Variants in DISC1 observed in about 807,000 individuals in gnomAD.
DISC1 encodes DISC1 scaffold protein, also known as disrupted in schizophrenia 1 protein.
DISC1 carries 57 observed loss-of-function variants against 84.5 expected under a neutral mutation model. The observed-to-expected ratio is 0.67, with a 90% CI of 0.55 to 0.84. The LOEUF is 0.84. Among genes scored for constraint, DISC1 ranks in the 40% least tolerant of loss-of-function variants. DISC1 has a pLI of 0.00. For synonymous variants in DISC1, 411 were observed against 415.2 expected (o/e 0.99, Z 0.12); for missense variants, 1,000 against 1,057.8 (o/e 0.95, Z 0.76).
At position 232,040,425 on chromosome 1, in the gene DISC1, C is replaced by G. The variant is rs1670737756; in HGVS notation, c.*3594C>G. The G allele has an allele frequency of 6.6e-6, 1 of 152,160 alleles. No individual in the cohort carries two copies. The highest frequency in any genetic ancestry group is 2.4e-5 in the African/African-American group (1 of 41,424). 9.4% of individuals were successfully genotyped at this position (152,160 alleles called of 1,614,324 possible). ...TGTAACGGTTGGTACCATGCTAAGC[C>G]CTTGCCATGCTAAGCCCTTTACAGT... On this transcript the variant is annotated 3_prime_UTR_variant, in exon 13 of 13. Coordinates refer to ENST00000439617, the MANE Select transcript of DISC1 (RefSeq NM_018662.3).
intron 3 of DISC1, among the ~76,000 whole-genome samples, chr1:231,735,404 C>T (rs1315382046): frequency 6.6e-6 from 1 of 152,140 alleles, no homozygotes; most frequent in Non-Finnish European, 1.5e-5. Flanking sequence ...CTACTGAATA[C>T]TTCCTATGGG....
At chr1:231,715,875 T>C (rs900586203) in intron 3 of DISC1, among the ~76,000 whole-genome samples, 1 of 152,156 alleles carries the variant, frequency 6.6e-6, no homozygotes, top group African/African-American at 2.4e-5. Context: ...TCTCTGTACC[T>C]CTGGATGAGG....
At chr1:231,789,348 G>A (rs1252766858) in intron 6 of DISC1, among the ~76,000 whole-genome samples, 2 of 152,210 alleles carry the variant, frequency 1.3e-5, no homozygotes, top group East Asian at 1.9e-4. Flanking sequence ...GGGAGCTGTA[G>A]GAGAGGAGGT....
At chr1:231,915,125 T>A (rs1355625624) in intron 9 of DISC1, among the ~76,000 whole-genome samples, 3 of 152,232 alleles carry the variant, frequency 2.0e-5, no homozygotes, top group Non-Finnish European at 4.4e-5. Context: ...TTGTTAGCAT[T>A]GGGTTACTTT....
intron 3 of DISC1, among the ~76,000 whole-genome samples, chr1:231,707,700 A>T (rs1374826436): frequency 6.8e-6 from 1 of 146,090 alleles, no homozygotes; most frequent in Non-Finnish European, 1.5e-5. Flanking sequence ...AATGCATTTT[A>T]TGTTTCCTCT....
chr1:231,724,955 G>A (rs2070410695), intron 3 of DISC1, among the ~76,000 whole-genome samples: 1 of 152,160 alleles, frequency 6.6e-6, no homozygotes, highest in African/African-American at 2.4e-5. Flanking sequence ...ACATCCATTA[G>A]TGCTCTTTGT....
chr1:231,986,193 A>G (rs1213137323), intron 10 of DISC1, among the ~76,000 whole-genome samples: 13 of 152,186 alleles, frequency 8.5e-5, no homozygotes, highest in Admixed American at 8.5e-4. Context: ...CTCATCCAGC[A>G]TCTTCTAATT....
At chr1:231,750,340 A>G in intron 4 of DISC1, 1 of 1,262,512 alleles carries the variant, frequency 7.9e-7, no homozygotes, top group Middle Eastern at 3.1e-4. Flanking sequence ...GGTCTGAAGC[A>G]TCTCTTGGGA....
chr1:231,878,481 G>A (rs1244023374), intron 9 of DISC1, among the ~76,000 whole-genome samples: 1 of 152,182 alleles, frequency 6.6e-6, no homozygotes, highest in Non-Finnish European at 1.5e-5. Context: ...AAAGACCAGT[G>A]AGGTCAGCAG....
At position 231,879,003 on chromosome 1, in the gene DISC1, G is replaced by A. The variant is rs747237057; in HGVS notation, c.1981+60486G>A. ...TTTAATTATCAGTTTTGCTGTTGTG[G>A]ACATTTGGGTAGTGTCTGGCTGTTT... is the stretch of plus-strand genomic sequence containing the variant. On this transcript the variant is annotated intron_variant, in intron 9 of 12. Coordinates refer to ENST00000439617, the MANE Select transcript of DISC1 (RefSeq NM_018662.3). Among the ~76,000 whole-genome samples, 129 of 152,204 alleles carry A rather than the reference G, an allele frequency of 8.5e-4. 1 individual carries two copies. Among genetic ancestry groups the A allele is most frequent in the Admixed American group, 3.4e-3 (52 of 15,290 alleles).
chr1:231,663,160 G>A lies in DISC1; in HGVS notation c.68-30666G>A, dbSNP rs544331048. The stretch of plus-strand genomic sequence containing the variant: ...AGATGTAAATAGTAACAAAAAGAGA[G>A]CTTTGGTGTCTACACTAATATCATA... On this transcript the variant is annotated intron_variant, in intron 1 of 12. Transcript: ENST00000439617. 1.6e-4 allele frequency among the ~76,000 whole-genome samples: 24 copies of A among 152,228 alleles called. No individual in the cohort carries two copies. The South Asian group carries it at 4.8e-3, about 30-fold the overall frequency.
intron 9 of DISC1, among the ~76,000 whole-genome samples, chr1:231,843,028 G>C (rs2083187137): frequency 6.6e-6 from 1 of 151,916 alleles, no homozygotes; most frequent in South Asian, 2.1e-4. Context: ...GTACCATCCT[G>C]GTCCTCTAGA....
chr1:231,966,504 C>A (rs868052701), intron 10 of DISC1, among the ~76,000 whole-genome samples: 1 of 152,210 alleles, frequency 6.6e-6, no homozygotes, highest in East Asian at 1.9e-4. Flanking sequence ...ATATCTCTAA[C>A]CATTGTACAG....
chr1:231,695,762 AC>A (rs2065608823), intron 2 of DISC1, among the ~76,000 whole-genome samples: 1 of 152,010 alleles, frequency 6.6e-6, no homozygotes, highest in African/African-American at 2.4e-5. Flanking sequence ...GAAGTGGAGC[AC>A]CCACTCATCA....
At chr1:231,729,747 C>T (rs1573321678) in intron 3 of DISC1, among the ~76,000 whole-genome samples, 2 of 143,076 alleles carry the variant, frequency 1.4e-5, no homozygotes, top group African/African-American at 2.6e-5. Flanking sequence ...TATCTTGATA[C>T]CTTTACATCA....
At chr1:231,761,613 A>G (rs1390167343) in intron 4 of DISC1, among the ~76,000 whole-genome samples, 1 of 152,238 alleles carries the variant, frequency 6.6e-6, no homozygotes, top group Non-Finnish European at 1.5e-5. Flanking sequence ...ACCCACCTGT[A>G]GCTACTCTGT....
At chr1:231,834,091 A>G (rs2082441217) in intron 9 of DISC1, among the ~76,000 whole-genome samples, 2 of 152,150 alleles carry the variant, frequency 1.3e-5, no homozygotes, top group Non-Finnish European at 1.5e-5. Flanking sequence ...GGATAAAGAA[A>G]AAGGAGCATT....
chr1:231,785,095 G>A (rs1240829779), intron 6 of DISC1, among the ~76,000 whole-genome samples: 1 of 151,946 alleles, frequency 6.6e-6, no homozygotes, highest in Non-Finnish European at 1.5e-5. Context: ...AAAGAAAAAG[G>A]CCAAGTAGAT....
At position 231,958,704 on chromosome 1, in the gene DISC1, CAT is replaced by C. The variant is rs149567768; in HGVS notation, c.1982-122_1982-121del. The C allele has an allele frequency of 2.0e-3, 1,942 of 994,582 alleles. 32 individuals are homozygous for C. In the African/African-American group the frequency reaches 0.029, roughly 15 times the overall value. 61.6% of individuals were successfully genotyped at this position (994,582 alleles called of 1,614,324 possible). A position where few individuals can be genotyped will look rare whatever the true frequency, so the allele number is the denominator to read the frequency against. On this transcript the variant is annotated intron_variant, in intron 9 of 12. Transcript: ENST00000439617. ...CCAGTGGATTTGAGTGTTTTCCAAA[CAT>C]AGAATGTTACGATTACTAGTGGCTT...
Sources: allele counts gnomAD v4.1 joint callset (sites outside exome capture counted in the v4.1 genomes callset), GRCh38; gene constraint gnomAD v4.1.1; transcripts MANE v1.5; gene names NCBI Gene and HGNC (gene_info 2026-07-23, HGNC 2026-07-21).